The following MRC2 variants were observed in gnomAD, a reference collection of about 807,000 sequenced individuals.
MRC2 encodes the protein mannose receptor C-type 2.
A neutral mutation model predicts 206.2 loss-of-function variants in MRC2; 84 were observed. That is an observed-to-expected ratio of 0.41 (90% CI 0.34 to 0.49). MRC2 has a LOEUF of 0.49. Among genes scored for constraint, MRC2 ranks in the 20% least tolerant of loss-of-function variants. The pLI is 0.31. For synonymous variants in MRC2, 798 were observed against 800.0 expected (o/e 1.00, Z 0.04); for missense variants, 1,676 against 2,001.5 (o/e 0.84, Z 3.10).
At chr17:62,645,438 C>T (rs1436434367) in intron 1 of MRC2, among the ~76,000 whole-genome samples, 1 of 139,900 alleles carries the variant, frequency 7.1e-6, no homozygotes, top group Non-Finnish European at 1.5e-5. Context: ...TATATACACA[C>T]GTATATAATA....
chr17:62,677,697 A>G lies in MRC2; in HGVS notation c.2052+211A>G, dbSNP rs1252764520. On this transcript the variant is annotated intron_variant, in intron 12 of 29. Coordinates refer to ENST00000303375, the MANE Select transcript of MRC2 (RefSeq NM_006039.5). The stretch of plus-strand genomic sequence containing the variant: ...GGGAACCACAGATCATTGATTTCAG[A>G]GGTTCCCAAATGTTGGGGCCAGCCT... Among the ~76,000 whole-genome samples the G allele has an allele frequency of 2.0e-5, 3 of 152,200 alleles. No individual in the cohort carries two copies. The South Asian group carries it at 6.2e-4, about 32-fold the overall frequency.
chr17:62,691,545 G>A (rs924090317), intron 28 of MRC2, among the ~76,000 whole-genome samples: 9 of 152,038 alleles, frequency 5.9e-5, no homozygotes, highest in Admixed American at 2.0e-4. Context: ...TGAGGTGGGC[G>A]GATCACTTGA....
At position 62,627,786 on chromosome 17, in the gene MRC2, G is replaced by C; in HGVS notation, c.-17G>C. 7.1e-7 allele frequency: 1 copy of C among 1,414,592 alleles called. No homozygotes were observed. Among genetic ancestry groups the C allele is most frequent in the Non-Finnish European group, 9.1e-7 (1 of 1,094,078 alleles). 87.6% of individuals were successfully genotyped at this position (1,414,592 alleles called of 1,614,324 possible). A position where few individuals can be genotyped will look rare whatever the true frequency, so the allele number is the denominator to read the frequency against. ...TGCGCCCTCGGTCCCCGCGTCCACT[G>C]AGCGCCGCGCTCGGGGATGGGGCCC... On this transcript the variant is annotated 5_prime_UTR_variant, in exon 1 of 30. Coordinates refer to ENST00000303375, the MANE Select transcript of MRC2 (RefSeq NM_006039.5).
intron 1 of MRC2, among the ~76,000 whole-genome samples, chr17:62,640,948 C>T (rs1476548114): frequency 6.6e-6 from 1 of 151,732 alleles, no homozygotes; most frequent in Non-Finnish European, 1.5e-5. Flanking sequence ...ATGATCCACC[C>T]GCCTCAGCCT....
At chr17:62,649,592 A>G (rs1050563634) in intron 1 of MRC2, among the ~76,000 whole-genome samples, 6 of 152,192 alleles carry the variant, frequency 3.9e-5, no homozygotes, top group African/African-American at 1.4e-4. Flanking sequence ...CTCTGTCTCA[A>G]AAAGAGTGCC....
intron 1 of MRC2, among the ~76,000 whole-genome samples, chr17:62,649,403 C>A (rs1174541655): frequency 1.3e-5 from 2 of 152,196 alleles, no homozygotes; most frequent in Non-Finnish European, 2.9e-5. Context: ...CCAACCTGGC[C>A]AACATGGCGA....
At chr17:62,638,097 A>G (rs1041319505) in intron 1 of MRC2, among the ~76,000 whole-genome samples, 2 of 152,182 alleles carry the variant, frequency 1.3e-5, no homozygotes, top group African/African-American at 4.8e-5. Context: ...TCCTGGGCTC[A>G]AGGGCTCCTC....
Position 62,640,017 on chromosome 17 carries a change from CT to C in MRC2, c.118+12121del, listed in dbSNP as rs56703312. On this transcript the variant is annotated intron_variant, in intron 1 of 29. Transcript: ENST00000303375. ...TACAGGCACCTGCCACCATGCCCAG[CT>C]TTTTTTTTTTTTTTTTTTTTTTTGT... is the stretch of plus-strand genomic sequence containing the variant. Among the ~76,000 whole-genome samples, 395 of 74,352 alleles carry C rather than the reference CT, an allele frequency of 5.3e-3. 2 individuals are homozygous for C. Among genetic ancestry groups the C allele is most frequent in the Middle Eastern group, 8.5e-3 (1 of 118 alleles). 48.8% of individuals were successfully genotyped at this position (74,352 alleles called of 152,430 possible).
chr17:62,655,735 A>G (rs560928019), intron 1 of MRC2, among the ~76,000 whole-genome samples: 82 of 151,922 alleles, frequency 5.4e-4, no homozygotes, highest in African/African-American at 8.7e-4. Context: ...AAAAAAAAAA[A>G]AAAGAAAAAG....
Position 62,691,083 on chromosome 17 carries a change from G to A in MRC2, c.4147G>A (p.Ala1383Thr). The part of the protein sequence containing the change: ...QSNSGLWRPG[A>T]CTNITMGVVC... ...CAACAGCGGGCTATGGCGCCCCGGCGCTTGCACCAACATCACCATGGGTGT... is the reference window on the plus strand; with the variant it reads ...CAACAGCGGGCTATGGCGCCCCGGCACTTGCACCAACATCACCATGGGTGT... The change falls in exon 28 of 30, where the codon GCT (alanine) becomes ACT (threonine). Residue 1383 changes from alanine to threonine, a missense_variant. Ala to Thr is a moderately conservative substitution (Grantham distance 58). Around this residue, in one of 3 missense-constraint regions of MRC2, gnomAD observed 1,354 missense variants for 1,636.6 expected, o/e 0.83. Transcript: ENST00000303375. 4 of 1,609,628 alleles carry A rather than the reference G, an allele frequency of 2.5e-6. No homozygotes were observed. Among genetic ancestry groups the A allele is most frequent in the Non-Finnish European group, 3.4e-6 (4 of 1,178,724 alleles).
At chr17:62,635,615 A>T (rs2088303972) in intron 1 of MRC2, among the ~76,000 whole-genome samples, 1 of 152,096 alleles carries the variant, frequency 6.6e-6, no homozygotes, top group South Asian at 2.1e-4. Context: ...GACCTTTCTT[A>T]GGCCTCACCT....
intron 1 of MRC2, among the ~76,000 whole-genome samples, chr17:62,648,953 A>G (rs1220751533): frequency 2.6e-5 from 4 of 152,198 alleles, no homozygotes; most frequent in Non-Finnish European, 5.9e-5. Flanking sequence ...ATGGCCTTCC[A>G]TTACTCTGTG....
intron 6 of MRC2, among the ~76,000 whole-genome samples, chr17:62,669,553 A>G (rs1386624628): frequency 1.3e-5 from 2 of 150,758 alleles, no homozygotes; most frequent in Non-Finnish European, 2.9e-5. Flanking sequence ...TTTTTGAAAC[A>G]GAGTCTCGCT....
Position 62,680,517 on chromosome 17 carries a change from G to A in MRC2, c.2473+64G>A. On this transcript the variant is annotated intron_variant, in intron 16 of 29. Transcript: ENST00000303375. The surrounding 1 kb of genome is among the most constrained non-coding windows in gnomAD (Gnocchi z 4.8). ...GGAGAGGGCGTCAACTCTGGGGTAAGTCCCGAGAGGCCTGAATGAAATGGA... is the reference window on the plus strand; with the variant it reads ...GGAGAGGGCGTCAACTCTGGGGTAAATCCCGAGAGGCCTGAATGAAATGGA... 1.3e-6 allele frequency: 2 copies of A among 1,594,264 alleles called. No individual in the cohort carries two copies. Among genetic ancestry groups the A allele is most frequent in the South Asian group, 2.2e-5 (2 of 90,328 alleles).
Position 62,641,390 on chromosome 17 carries a change from A to G in MRC2, c.118+13470A>G, listed in dbSNP as rs561503107. On this transcript the variant is annotated intron_variant, in intron 1 of 29. Transcript: ENST00000303375. ...GACTGCTCTAAAACCTTAGACCTAGAAACAGGAACCTGTCTGACAGTGGGG... is the reference window on the plus strand; with the variant it reads ...GACTGCTCTAAAACCTTAGACCTAGGAACAGGAACCTGTCTGACAGTGGGG... Among the ~76,000 whole-genome samples, 60 of 152,156 alleles carry G rather than the reference A, an allele frequency of 3.9e-4. 2 individuals carry two copies. The South Asian group carries it at 0.012, about 31-fold the overall frequency.
chr17:62,628,548 G>A (rs372309058), intron 1 of MRC2, among the ~76,000 whole-genome samples: 2 of 152,226 alleles, frequency 1.3e-5, no homozygotes, highest in Admixed American at 6.5e-5. Context: ...CGCAGCAACA[G>A]GCTGGGCGCC....
At chr17:62,644,948 C>T (rs1044957338) in intron 1 of MRC2, among the ~76,000 whole-genome samples, 2 of 152,106 alleles carry the variant, frequency 1.3e-5, no homozygotes, top group African/African-American at 4.8e-5. Flanking sequence ...TGTGACTTAG[C>T]CCAGTGTTCA....
chr17:62,678,168 G>A (rs979943414), intron 12 of MRC2, among the ~76,000 whole-genome samples: 7 of 152,238 alleles, frequency 4.6e-5, no homozygotes, highest in Non-Finnish European at 8.8e-5. Flanking sequence ...AGGTTTGGGA[G>A]CCACTGGCAG....
In MRC2 at chr17:62,691,125, C is replaced by T. The variant is rs562323634; in HGVS notation, c.4189C>T (p.Arg1397Cys). The change falls in exon 28 of 30, where the codon CGT (arginine) becomes TGT (cysteine). Residue 1397 changes from arginine (R) to cysteine (C), a missense_variant. Coordinates refer to ENST00000303375, the MANE Select transcript of MRC2 (RefSeq NM_006039.5). ...CATGGGTGTCGTCTGCAAGCTTCCTCGTGGTGAGCGCCGGGCAGGCCCACG... is the reference window on the plus strand; with the variant it reads ...CATGGGTGTCGTCTGCAAGCTTCCTTGTGGTGAGCGCCGGGCAGGCCCACG... ...ITMGVVCKLP[R>C]AEQSSFSPSA... 4.4e-6 allele frequency: 7 copies of T among 1,601,906 alleles called. No individual in the cohort carries two copies. Among genetic ancestry groups the T allele is most frequent in the African/African-American group, 2.7e-5 (2 of 74,662 alleles).
Sources: allele counts gnomAD v4.1 joint callset (sites outside exome capture counted in the v4.1 genomes callset), GRCh38; gene constraint gnomAD v4.1.1; regional missense constraint gnomAD v4.1.1; non-coding constraint Gnocchi (gnomAD v3.1); transcripts MANE v1.5; gene names NCBI Gene and HGNC (gene_info 2026-07-23, HGNC 2026-07-21).